SHISA3: variants seen among roughly 807,000 people sequenced by gnomAD.
The protein encoded by SHISA3 is shisa family member 3, also known as protein shisa-3 homolog.
A neutral mutation model predicts 19.2 loss-of-function variants in SHISA3; 15 were observed. The ratio of observed to expected loss-of-function variants is 0.78; its 90% CI spans 0.52 to 1.20. The LOEUF (loss-of-function observed/expected upper bound fraction) is 1.20, where lower values mean the gene tolerates loss of function less well. SHISA3 is among the 50% of genes most tolerant of loss of function. The pLI is 0.00. For missense variants in SHISA3, 327 were observed against 315.7 expected (o/e 1.04, Z -0.27); for synonymous variants, 145 against 135.2 (o/e 1.07, Z -0.50).
Position 42,401,390 on chromosome 4 carries a change from A to G in SHISA3, c.656A>G (p.Tyr219Cys). The G allele has an allele frequency of 6.2e-7, 1 of 1,610,666 alleles. No individual in the cohort carries two copies. Among genetic ancestry groups the G allele is most frequent in the South Asian group, 1.1e-5 (1 of 90,088 alleles). ...GFLVSPQYFAYPLQQEPPLPG... is the reference protein window; with the variant it reads ...GFLVSPQYFACPLQQEPPLPG... ...CTGGTGTCACCCCAGTATTTCGCTT[A>G]CCCCCTCCAGCAGGAGCCCCCACTG... The change falls in exon 2 of 2, where the codon TAC becomes TGC. Residue 219 changes from tyrosine to cysteine, a missense_variant. By Grantham distance (194) the Tyr-to-Cys change is radical. Coordinates refer to ENST00000319234, the MANE Select transcript of SHISA3 (RefSeq NM_001080505.3).
Position 42,401,348 on chromosome 4 carries a change from C to T in SHISA3, c.614C>T (p.Ala205Val), listed in dbSNP as rs1560287762. 1.2e-6 allele frequency: 2 copies of T among 1,614,248 alleles called. No individual in the cohort carries two copies. The highest frequency in any genetic ancestry group is 2.2e-5 in the East Asian group (1 of 44,886). Residue 205 changes from alanine to valine, a missense_variant, in exon 2 of 2, where the codon GCT becomes GTT. By Grantham distance (64) the Ala-to-Val change is moderately conservative. Coordinates refer to ENST00000319234, the MANE Select transcript of SHISA3 (RefSeq NM_001080505.3). Reference protein sequence around the residue: ...PYTTSHSIHLAQPSGFLVSPQ... With the variant: ...PYTTSHSIHLVQPSGFLVSPQ... Reference sequence around the variant, plus strand: ...ACCACCAGCCACTCAATCCACCTGGCTCAGCCATCTGGTTTCCTGGTGTCA... The same window carrying T: ...ACCACCAGCCACTCAATCCACCTGGTTCAGCCATCTGGTTTCCTGGTGTCA...
rs868012305 is a variant in SHISA3, at chr4:42,398,935, G to A, written c.277+602G>A. ...TCTCCGGCCCACCCCCTATTGTCAC[G>A]CCTTTCAGAAATGCCCAGGTCTTCG... On this transcript the variant is annotated intron_variant, in intron 1 of 1. Transcript: ENST00000319234. 3.9e-5 allele frequency among the ~76,000 whole-genome samples: 6 copies of A among 152,140 alleles called. 1 individual carries two copies. In the South Asian group the frequency reaches 1.0e-3, roughly 26 times the overall value.
rs555618446 is a variant in SHISA3 at position 42,398,602 on chromosome 4, G to A, written c.277+269G>A. Among the ~76,000 whole-genome samples the A allele has an allele frequency of 4.6e-5, 7 of 152,318 alleles. No individual in the cohort carries two copies. In the East Asian group the frequency reaches 1.2e-3, roughly 25 times the overall value. ...AAGTTTGCCAGGGACAGTGAGGAGC[G>A]CGGGGCTTGTGCCTGGTAGCCGGGG... On this transcript the variant is annotated intron_variant, in intron 1 of 1. Coordinates refer to ENST00000319234, the MANE Select transcript of SHISA3 (RefSeq NM_001080505.3).
intron 1 of SHISA3, among the ~76,000 whole-genome samples, chr4:42,399,879 A>G (rs1208493605): frequency 1.3e-5 from 2 of 152,224 alleles, no homozygotes; most frequent in East Asian, 3.8e-4. Context: ...GCTAGTAAAC[A>G]AGGGAGAATG....
intron 1 of SHISA3, 83 bp from the exon 2 acceptor site, chr4:42,400,929 T>C: frequency 7.0e-7 from 1 of 1,424,690 alleles, no homozygotes; most frequent in Non-Finnish European, 9.7e-7. Flanking sequence ...CTCCCACCTC[T>C]CAACCCTCAG....
rs948337611 is a variant in SHISA3, at chr4:42,401,916, A to T, written c.*465A>T. The stretch of plus-strand genomic sequence containing the variant: ...AAAAATTAACTATTAGGTAAACTTA[A>T]GGGGGCAGTGAAAAATCTATTTATG... On this transcript the variant is annotated 3_prime_UTR_variant, in exon 2 of 2. Coordinates refer to ENST00000319234, the MANE Select transcript of SHISA3 (RefSeq NM_001080505.3). 9 of 153,726 alleles carry T rather than the reference A, an allele frequency of 5.9e-5. No individual in the cohort carries two copies. The highest frequency in any genetic ancestry group is 2.2e-4 in the African/African-American group (9 of 41,616). 9.5% of individuals were successfully genotyped at this position (153,726 alleles called of 1,614,324 possible). A position where few individuals can be genotyped will look rare whatever the true frequency, so the allele number is the denominator to read the frequency against.
At position 42,397,951 on chromosome 4, in the gene SHISA3, C is replaced by G. The variant is rs909415449; in HGVS notation, c.-106C>G. On this transcript the variant is annotated 5_prime_UTR_variant, in exon 1 of 2. Coordinates refer to ENST00000319234, the MANE Select transcript of SHISA3 (RefSeq NM_001080505.3). ...TTCGGCCGCCGGGGCCAGCAGCTTGCGACGTGTCCCTGGGGAGGCGGAATC... is the reference window on the plus strand; with the variant it reads ...TTCGGCCGCCGGGGCCAGCAGCTTGGGACGTGTCCCTGGGGAGGCGGAATC... The G allele has an allele frequency of 3.6e-5, 42 of 1,166,354 alleles. No individual in the cohort carries two copies. Among genetic ancestry groups the G allele is most frequent in the Non-Finnish European group, 3.8e-5 (33 of 860,446 alleles). 72.3% of individuals were successfully genotyped at this position (1,166,354 alleles called of 1,614,324 possible). A position where few individuals can be genotyped will look rare whatever the true frequency, so the allele number is the denominator to read the frequency against.
chr4:42,398,264 G>A lies in SHISA3; in HGVS notation c.208G>A (p.Asp70Asn). 2 of 1,569,140 alleles carry A rather than the reference G, an allele frequency of 1.3e-6. No homozygotes were observed. Among genetic ancestry groups the A allele is most frequent in the South Asian group, 1.2e-5 (1 of 85,666 alleles). ...GCTCCGCTACTGTTGCGCCGCGGCC[G>A]ACGCCAGGCTGGAGCAGGGCGGCTG... ...CALRYCCAAA[D>N]ARLEQGGCTN... The change falls in exon 1 of 2, where the codon GAC becomes AAC. Residue 70 changes from aspartate to asparagine, a missense_variant. By Grantham distance (23) the Asp-to-Asn change is conservative. Coordinates refer to ENST00000319234, the MANE Select transcript of SHISA3 (RefSeq NM_001080505.3).
chr4:42,397,754 C>T lies in SHISA3; in HGVS notation c.-303C>T, dbSNP rs1166984693. On this transcript the variant is annotated 5_prime_UTR_variant, in exon 1 of 2. Coordinates refer to ENST00000319234, the MANE Select transcript of SHISA3 (RefSeq NM_001080505.3). ...GTTGGCGCGCCCCTCGCGCGGGGAG[C>T]GCTATGAGCCGGGCGAAGGGCGGCA... 2 of 342,504 alleles carry T rather than the reference C, an allele frequency of 5.8e-6. No individual in the cohort carries two copies. Among genetic ancestry groups the T allele is most frequent in the Non-Finnish European group, 5.3e-6 (1 of 189,946 alleles). The allele number at this position is 342,504 out of a possible 1,614,324, so 21.2% of individuals were successfully genotyped here.
rs1560286439 is a variant in SHISA3, at chr4:42,398,036, C to A, written c.-21C>A. The A allele has an allele frequency of 6.5e-7, 1 of 1,536,148 alleles. No homozygotes were observed. The highest frequency in any genetic ancestry group is 1.2e-5 in the South Asian group (1 of 80,178). On this transcript the variant is annotated 5_prime_UTR_variant, in exon 1 of 2. Coordinates refer to ENST00000319234, the MANE Select transcript of SHISA3 (RefSeq NM_001080505.3). ...TTTCCAGCTGCGTCCTGCTCCCGGCCGCCCAGGGAGCCCAGTGGCGATGAG... is the reference window on the plus strand; with the variant it reads ...TTTCCAGCTGCGTCCTGCTCCCGGCAGCCCAGGGAGCCCAGTGGCGATGAG...
At chr4:42,398,411 G>A (rs7674491) in intron 1 of SHISA3, 78 bp downstream of exon 1, 20,834 of 1,404,926 alleles carry the variant, frequency 0.015, 188 homozygotes, top group Non-Finnish European at 0.018. Context: ...AGGATGCACA[G>A]ACCCAGGCAG....
At position 42,401,421 on chromosome 4, in the gene SHISA3, G is replaced by A. The variant is rs1711920009; in HGVS notation, c.687G>A (p.Gly229=). 1.3e-6 allele frequency: 2 copies of A among 1,593,510 alleles called. No homozygotes were observed. Among genetic ancestry groups the A allele is most frequent in the Admixed American group, 1.7e-5 (1 of 58,540 alleles). Residue 229 remains glycine (G), a synonymous_variant, in exon 2 of 2, where the codon GGG becomes GGA. Transcript: ENST00000319234. ...YPLQQEPPLP[G]KSCPDFSSS is the part of the protein sequence containing the mutation. ...TCCAGCAGGAGCCCCCACTGCCTGG[G>A]AAGAGCTGTCCAGACTTCAGTTCCA...
Position 42,401,357 on chromosome 4 carries a change from C to T in SHISA3, c.623C>T (p.Ser208Phe). Residue 208 changes from serine (S) to phenylalanine (F), a missense_variant, in exon 2 of 2, where the codon TCT (serine) becomes TTT (phenylalanine). By Grantham distance (155) the Ser-to-Phe change is radical. Coordinates refer to ENST00000319234, the MANE Select transcript of SHISA3 (RefSeq NM_001080505.3). The part of the protein sequence containing the change: ...TSHSIHLAQP[S>F]GFLVSPQYFA... ...CACTCAATCCACCTGGCTCAGCCAT[C>T]TGGTTTCCTGGTGTCACCCCAGTAT... is the stretch of plus-strand genomic sequence containing the variant. 6.2e-7 allele frequency: 1 copy of T among 1,614,234 alleles called. No individual in the cohort carries two copies. The highest frequency in any genetic ancestry group is 8.5e-7 in the Non-Finnish European group (1 of 1,180,042).
Position 42,397,836 on chromosome 4 carries a change from CCCCG to C in SHISA3, c.-219_-216del. 1 of 448,104 alleles carries C rather than the reference CCCCG, an allele frequency of 2.2e-6. No individual in the cohort carries two copies. The highest frequency in any genetic ancestry group is 3.9e-6 in the Non-Finnish European group (1 of 257,912). The allele number at this position is 448,104 out of a possible 1,614,324, so 27.8% of individuals were successfully genotyped here. The stretch of plus-strand genomic sequence containing the variant: ...CCTCCCGCAGGCCCTCGCCAACTCG[CCCCG>C]CGCACCATGCTGACTCCCGGCCTGC... On this transcript the variant is annotated 5_prime_UTR_variant, in exon 1 of 2. An upstream open reading frame in the 5' UTR loses its in-frame stop. Coordinates refer to ENST00000319234, the MANE Select transcript of SHISA3 (RefSeq NM_001080505.3).
rs1234070060 is a variant in SHISA3 at position 42,401,303 on chromosome 4, C to T, written c.569C>T (p.Pro190Leu). 14 of 1,614,098 alleles carry T rather than the reference C, an allele frequency of 8.7e-6. No homozygotes were observed. Among genetic ancestry groups the T allele is most frequent in the Non-Finnish European group, 1.2e-5 (14 of 1,179,976 alleles). Residue 190 changes from proline (P) to leucine (L), a missense_variant, in exon 2 of 2, where the codon CCC becomes CTC. Coordinates refer to ENST00000319234, the MANE Select transcript of SHISA3 (RefSeq NM_001080505.3). ...FARAEPGCLV[P>L]SPPPPYTTSH... is the part of the protein sequence containing the mutation. The stretch of plus-strand genomic sequence containing the variant: ...AGGGCTGAGCCGGGCTGCCTGGTGC[C>T]CTCACCGCCCCCGCCATACACCACC...
Position 42,398,290 on chromosome 4 carries a change from C to T in SHISA3, c.234C>T (p.Cys78=). 1 of 1,563,270 alleles carries T rather than the reference C, an allele frequency of 6.4e-7. No homozygotes were observed. Among genetic ancestry groups the T allele is most frequent in the South Asian group, 1.2e-5 (1 of 85,266 alleles). Residue 78 remains cysteine (C), a synonymous_variant, in exon 1 of 2, where the codon TGC becomes TGT. Coordinates refer to ENST00000319234, the MANE Select transcript of SHISA3 (RefSeq NM_001080505.3). ...ACGCCAGGCTGGAGCAGGGCGGCTG[C>T]ACCAACGACCGCCGCGAACTGGAGC... ...AADARLEQGG[C]TNDRRELEHP...
rs764628014 is a variant in SHISA3 at position 42,401,023 on chromosome 4, G to C, written c.289G>C (p.Val97Leu). The C allele has an allele frequency of 6.2e-7, 1 of 1,613,936 alleles. No individual in the cohort carries two copies. Among genetic ancestry groups the C allele is most frequent in the Admixed American group, 1.7e-5 (1 of 60,000 alleles). The change falls in exon 2 of 2, where the codon GTC (valine) becomes CTC (leucine). Residue 97 changes from valine to leucine, a missense_variant. By Grantham distance (32) the Val-to-Leu change is conservative. Transcript: ENST00000319234. ...HPGITAQPVYVPFLIVGSIFI... is the reference protein window; with the variant it reads ...HPGITAQPVYLPFLIVGSIFI... Reference sequence around the variant, plus strand: ...TTTTTGCCTTTTAGAGCCTGTCTACGTCCCCTTTCTCATCGTCGGCTCCAT... The same window carrying C: ...TTTTTGCCTTTTAGAGCCTGTCTACCTCCCCTTTCTCATCGTCGGCTCCAT...
rs1711788800 is a variant in SHISA3 at position 42,397,957 on chromosome 4, G to A, written c.-100G>A. 2 of 1,225,670 alleles carry A rather than the reference G, an allele frequency of 1.6e-6. No individual in the cohort carries two copies. The highest frequency in any genetic ancestry group is 2.2e-6 in the Non-Finnish European group (2 of 911,620). 75.9% of individuals were successfully genotyped at this position (1,225,670 alleles called of 1,614,324 possible). A position where few individuals can be genotyped will look rare whatever the true frequency, so the allele number is the denominator to read the frequency against. On this transcript the variant is annotated 5_prime_UTR_variant, in exon 1 of 2. Coordinates refer to ENST00000319234, the MANE Select transcript of SHISA3 (RefSeq NM_001080505.3). ...CGCCGGGGCCAGCAGCTTGCGACGT[G>A]TCCCTGGGGAGGCGGAATCGCTGTG... is the stretch of plus-strand genomic sequence containing the variant.
In SHISA3 at chr4:42,397,683, G is replaced by T. The variant is rs1035525910; in HGVS notation, c.-374G>T. Reference sequence around the variant, plus strand: ...GTGCGGCGCTGGAGTTGGCAGCCCCGGGCGCTATGGCTCCCTTGAGGAGTG... The same window carrying T: ...GTGCGGCGCTGGAGTTGGCAGCCCCTGGCGCTATGGCTCCCTTGAGGAGTG... On this transcript the variant is annotated 5_prime_UTR_variant, in exon 1 of 2. Transcript: ENST00000319234. Among the ~76,000 whole-genome samples, 1 of 152,128 alleles carries T rather than the reference G, an allele frequency of 6.6e-6. No individual in the cohort carries two copies. Among genetic ancestry groups the T allele is most frequent in the East Asian group, 1.9e-4 (1 of 5,158 alleles).
Sources: allele counts gnomAD v4.1 joint callset (sites outside exome capture counted in the v4.1 genomes callset), GRCh38; gene constraint gnomAD v4.1.1; transcripts MANE v1.5; gene names NCBI Gene and HGNC (gene_info 2026-07-23, HGNC 2026-07-21).